Variants in NKAIN3 observed in about 807,000 individuals in gnomAD.
The protein encoded by NKAIN3 is sodium/potassium transporting ATPase interacting 3, also known as sodium/potassium-transporting ATPase subunit beta-1-interacting protein 3.
In NKAIN3, 25 loss-of-function variants were observed where a neutral mutation model predicts 30.2. The observed-to-expected ratio is 0.83, with a 90% CI of 0.60 to 1.16. The LOEUF is 1.16. Ranked by LOEUF, NKAIN3 falls within the 50% of genes most tolerant of loss-of-function variation. The pLI is 0.00. For synonymous variants in NKAIN3, 91 were observed against 89.6 expected (o/e 1.02, Z -0.09); for missense variants, 225 against 254.1 (o/e 0.89, Z 0.78).
chr8:62,448,107 G>A lies in NKAIN3; in HGVS notation c.55-131432G>A. 1.3e-5 allele frequency among the ~76,000 whole-genome samples: 2 copies of A among 151,884 alleles called. 1 individual carries two copies. The highest frequency in any genetic ancestry group is 1.3e-4 in the Admixed American group (2 of 15,250). On this transcript the variant is annotated intron_variant, in intron 1 of 6. Coordinates refer to ENST00000623646, the MANE Select transcript of NKAIN3 (RefSeq NM_001304533.3). ...ATAATTTATAATGAACAAATTGATT[G>A]TTTTATATATTATAGTTCACTCTCT...
intron 1 of NKAIN3, among the ~76,000 whole-genome samples, chr8:62,523,710 C>T (rs1808222328): frequency 6.6e-6 from 1 of 152,048 alleles, no homozygotes; most frequent in African/African-American, 2.4e-5. Context: ...TGGGGCATCT[C>T]TGGATTTCTT....
At chr8:62,383,084 G>C (rs917860453) in intron 1 of NKAIN3, among the ~76,000 whole-genome samples, 4 of 152,030 alleles carry the variant, frequency 2.6e-5, no homozygotes, top group African/African-American at 9.7e-5. Context: ...ATTGTGTTTG[G>C]GGGGAAGTAG....
At chr8:62,657,111 A>T (rs1011383285) in intron 3 of NKAIN3, among the ~76,000 whole-genome samples, 2 of 152,132 alleles carry the variant, frequency 1.3e-5, no homozygotes, top group African/African-American at 4.8e-5. Context: ...AAACATTTCA[A>T]TTGTTGTACT....
intron 4 of NKAIN3, among the ~76,000 whole-genome samples, chr8:62,894,319 A>C (rs1346318251): frequency 6.6e-6 from 1 of 152,202 alleles, no homozygotes; most frequent in Non-Finnish European, 1.5e-5. Flanking sequence ...CTTTAGTGAA[A>C]AGAAAATATC....
rs181736357 is a variant in NKAIN3, at chr8:62,977,376, G to C, written c.*11969G>C. Among the ~76,000 whole-genome samples, 83 of 152,082 alleles carry C rather than the reference G, an allele frequency of 5.5e-4. No homozygotes were observed. Among genetic ancestry groups the C allele is most frequent in the South Asian group, 1.9e-3 (9 of 4,814 alleles). ...TTTTCACATAGTCCCATATTTCTGA[G>C]AGGTTCTGTTCATTCCTTTTCCATT... On this transcript the variant is annotated 3_prime_UTR_variant, in exon 7 of 7. Transcript: ENST00000623646.
intron 1 of NKAIN3, among the ~76,000 whole-genome samples, chr8:62,409,544 A>C (rs1356817022): frequency 3.9e-5 from 6 of 152,006 alleles, no homozygotes; most frequent in Non-Finnish European, 4.4e-5. Context: ...ATTTATTGGA[A>C]TTTTACAGGC....
In NKAIN3 at chr8:62,364,828, C is replaced by CAAAAAAAAAAAAAAAAAAAAAAAA. The variant is rs58784999; in HGVS notation, c.54+115724_54+115725insAAAAAAAAAAAAAAAAAAAAAAAA. 4.7e-5 allele frequency among the ~76,000 whole-genome samples: 3 copies of CAAAAAAAAAAAAAAAAAAAAAAAA among 63,760 alleles called. 1 individual carries two copies. The highest frequency in any genetic ancestry group is 7.8e-5 in the Non-Finnish European group (3 of 38,430). 41.8% of individuals were successfully genotyped at this position (63,760 alleles called of 152,430 possible). ...TGTGTGACAGAGCGAGACTCCACTA[C>CAAAAAAAAAAAAAAAAAAAAAAAA]AAAAAAAAAAAAAAAAAAAAAAATC... On this transcript the variant is annotated intron_variant, in intron 1 of 6. Coordinates refer to ENST00000623646, the MANE Select transcript of NKAIN3 (RefSeq NM_001304533.3).
chr8:62,322,603 T>G (rs1159063407), intron 1 of NKAIN3, among the ~76,000 whole-genome samples: 3 of 152,248 alleles, frequency 2.0e-5, no homozygotes. Context: ...ATACTCAACC[T>G]GTATTGGAAA....
At chr8:62,456,742 A>G (rs181039778) in intron 1 of NKAIN3, among the ~76,000 whole-genome samples, 1 of 152,346 alleles carries the variant, frequency 6.6e-6, no homozygotes, top group African/African-American at 2.4e-5. Context: ...CAGCCTTAGT[A>G]TGAATATTTC....
chr8:62,414,792 A>G (rs1049844987), intron 1 of NKAIN3, among the ~76,000 whole-genome samples: 4 of 151,970 alleles, frequency 2.6e-5, no homozygotes, highest in Non-Finnish European at 4.4e-5. Context: ...AGAAAAATCA[A>G]GAAATATTAG....
chr8:62,741,362 A>AGAAGGAAG lies in NKAIN3; in HGVS notation c.274-5516_274-5509dup, dbSNP rs200947376. ...AGTGAGAGAGAAGAAAGAGAGAGAA[A>AGAAGGAAG]GAAGGAAGGAAGGAAGGAAGGAAGG... On this transcript the variant is annotated intron_variant, in intron 3 of 6. Coordinates refer to ENST00000623646, the MANE Select transcript of NKAIN3 (RefSeq NM_001304533.3). Among the ~76,000 whole-genome samples the AGAAGGAAG allele has an allele frequency of 6.2e-3, 858 of 137,884 alleles. 9 individuals carry two copies. Among genetic ancestry groups the AGAAGGAAG allele is most frequent in the African/African-American group, 0.015 (525 of 35,018 alleles). 90.5% of individuals were successfully genotyped at this position (137,884 alleles called of 152,430 possible).
intron 5 of NKAIN3, among the ~76,000 whole-genome samples, chr8:62,994,456 A>C (rs192008602): frequency 6.6e-6 from 1 of 152,080 alleles, no homozygotes; most frequent in African/African-American, 2.4e-5. Flanking sequence ...AATCAGTTGC[A>C]CTGGTCATCT....
intron 1 of NKAIN3, among the ~76,000 whole-genome samples, chr8:62,532,795 G>A (rs921218420): frequency 7.9e-5 from 12 of 152,130 alleles, no homozygotes; most frequent in African/African-American, 2.2e-4. Flanking sequence ...CCTCACTCTA[G>A]GTTAAGTTTA....
At chr8:62,494,059 T>A (rs2129641292) in intron 1 of NKAIN3, among the ~76,000 whole-genome samples, 1 of 152,310 alleles carries the variant, frequency 6.6e-6, no homozygotes, top group East Asian at 1.9e-4. Flanking sequence ...TCCAATACTA[T>A]GTTGAATAGG....
chr8:62,434,822 A>G (rs1437590094), intron 1 of NKAIN3, among the ~76,000 whole-genome samples: 1 of 152,164 alleles, frequency 6.6e-6, no homozygotes, highest in Non-Finnish European at 1.5e-5. Context: ...AAAATTAACT[A>G]TGCACTTGTA....
At chr8:62,863,542 A>T in intron 4 of NKAIN3, 2 of 1,314,902 alleles carry the variant, frequency 1.5e-6, no homozygotes, top group South Asian at 2.4e-5. Context: ...AGTTGAGGAG[A>T]TGGTGGCCAA....
chr8:62,540,563 A>G (rs896461308), intron 1 of NKAIN3, among the ~76,000 whole-genome samples: 3 of 152,140 alleles, frequency 2.0e-5, no homozygotes, highest in Admixed American at 1.3e-4. Flanking sequence ...ATATGTTCAA[A>G]CACATTGGCT....
intron 1 of NKAIN3, among the ~76,000 whole-genome samples, chr8:62,543,196 A>C (rs932669152): frequency 6.6e-5 from 10 of 152,156 alleles, no homozygotes; most frequent in African/African-American, 2.4e-4. Flanking sequence ...GTTGTCTGAG[A>C]CTGATGGTGT....
intron 1 of NKAIN3, among the ~76,000 whole-genome samples, chr8:62,254,315 C>G (rs909932527): frequency 6.6e-6 from 1 of 151,782 alleles, no homozygotes; most frequent in Non-Finnish European, 1.5e-5. Context: ...AGAGGGCAAG[C>G]CTGGATTGCA....
Sources: gnomAD v4.1 joint callset for allele counts (sites outside exome capture counted in the v4.1 genomes callset) on GRCh38, gnomAD v4.1.1 for gene constraint, MANE v1.5 for transcripts, NCBI Gene and HGNC (gene_info 2026-07-23, HGNC 2026-07-21) for gene names.